CLINT1: variants seen among roughly 807,000 people sequenced by gnomAD.
CLINT1 encodes clathrin interacting protein localized in the trans-Golgi region.
Under a neutral mutation model 70.4 loss-of-function variants are expected in CLINT1, and 15 were observed. The ratio of observed to expected loss-of-function variants is 0.21; its 90% CI spans 0.14 to 0.33. The LOEUF (loss-of-function observed/expected upper bound fraction) is 0.33, where lower values mean the gene tolerates loss of function less well. CLINT1 is among the 10% of genes least tolerant of loss of function. The probability of loss-of-function intolerance (pLI) is 1.00; values close to 1 mark genes in which losing one functional copy is unlikely to be tolerated. For missense variants in CLINT1, 615 were observed against 778.1 expected (o/e 0.79, Z 2.49); for synonymous variants, 227 against 254.7 (o/e 0.89, Z 1.04).
intron 8 of CLINT1, among the ~76,000 whole-genome samples, chr5:157,798,981 T>C (rs1251887377): frequency 1.3e-5 from 2 of 151,886 alleles, no homozygotes; most frequent in African/African-American, 2.4e-5. Flanking sequence ...TCAAAATATA[T>C]AAATAAATGA....
chr5:157,796,095 A>G (rs1353001747), intron 8 of CLINT1: 1 of 152,204 alleles, frequency 6.6e-6, no homozygotes, highest in Non-Finnish European at 1.5e-5. Flanking sequence ...ATATCAATAC[A>G]ATAGTTTTGG....
intron 11 of CLINT1, among the ~76,000 whole-genome samples, chr5:157,788,694 G>A (rs900678608): frequency 1.3e-5 from 2 of 152,038 alleles, no homozygotes; most frequent in Non-Finnish European, 2.9e-5. Flanking sequence ...GTGGCCAGGC[G>A]CGGTGCCCCA....
chr5:157,792,090 AGTCC>A, intron 9 of CLINT1, 95 bp from the exon 10 acceptor site: 1 of 1,041,384 alleles, frequency 9.6e-7, no homozygotes, highest in Non-Finnish European at 1.4e-6. Context: ...AGCTGATCTG[AGTCC>A]CCCAGATTAA....
Position 157,814,053 on chromosome 5 carries a change from G to A in CLINT1, c.352+132C>T, listed in dbSNP as rs981802874. 7 of 647,412 alleles carry A rather than the reference G, an allele frequency of 1.1e-5. No individual in the cohort carries two copies. The African/African-American group carries it at 1.3e-4, about 12-fold the overall frequency. 40.1% of individuals were successfully genotyped at this position (647,412 alleles called of 1,614,324 possible). A position where few individuals can be genotyped will look rare whatever the true frequency, so the allele number is the denominator to read the frequency against. On this transcript the variant is annotated intron_variant, in intron 4 of 11. Coordinates refer to ENST00000411809, the MANE Select transcript of CLINT1 (RefSeq NM_014666.4). ...TTAATACTCTAGGGCCCCACGTCTT[G>A]GATTCTGCACTCGTCACACAACCAG...
In CLINT1 at chr5:157,830,750, CT is replaced by C. The variant is rs1417518911; in HGVS notation, c.42-13204del. Among the ~76,000 whole-genome samples, 99 of 111,236 alleles carry C rather than the reference CT, an allele frequency of 8.9e-4. 1 individual carries two copies. Among genetic ancestry groups the C allele is most frequent in the African/African-American group, 3.3e-3 (89 of 26,876 alleles). The allele number at this position is 111,236 out of a possible 152,430, so 73.0% of individuals were successfully genotyped here. A position where few individuals can be genotyped will look rare whatever the true frequency, so the allele number is the denominator to read the frequency against. On this transcript the variant is annotated intron_variant, in intron 1 of 11. Coordinates refer to ENST00000411809, the MANE Select transcript of CLINT1 (RefSeq NM_014666.4). ...CCTCCCACTCTCCCTGCCCCTCCCTCTCTCTCCCTCTCTCTCTCTCTCTCTC... is the reference window on the plus strand; with the variant it reads ...CCTCCCACTCTCCCTGCCCCTCCCTCCTCTCCCTCTCTCTCTCTCTCTCTC...
intron 1 of CLINT1, among the ~76,000 whole-genome samples, chr5:157,850,612 C>CAAAA (rs67243040): frequency 1.7e-5 from 1 of 60,368 alleles, no homozygotes; most frequent in Non-Finnish European, 2.9e-5. Context: ...GACCCTGTCT[C>CAAAA]AAAAAAAAAA....
chr5:157,791,609 C>A, intron 10 of CLINT1, 94 bp downstream of exon 10: 1 of 1,190,608 alleles, frequency 8.4e-7, no homozygotes, highest in African/African-American at 1.5e-5. Flanking sequence ...AAAGGACTTG[C>A]TTATTTTTCT....
intron 1 of CLINT1, among the ~76,000 whole-genome samples, chr5:157,846,245 T>A (rs557043266): frequency 6.6e-6 from 1 of 152,224 alleles, no homozygotes; most frequent in East Asian, 1.9e-4. Context: ...AAAAGTTAGG[T>A]TGTGAATGCA....
intron 6 of CLINT1, among the ~76,000 whole-genome samples, chr5:157,807,914 C>T (rs888417770): frequency 6.6e-6 from 1 of 150,764 alleles, no homozygotes; most frequent in East Asian, 2.0e-4. Context: ...GTGGATCTGC[C>T]TAAAGTAACA....
At position 157,840,192 on chromosome 5, in the gene CLINT1, C is replaced by CA. The variant is rs57245921; in HGVS notation, c.41+18737dup. 6.9e-3 allele frequency among the ~76,000 whole-genome samples: 379 copies of CA among 55,230 alleles called. 12 individuals carry two copies. The highest frequency in any genetic ancestry group is 7.8e-3 in the South Asian group (10 of 1,288). 36.2% of individuals were successfully genotyped at this position (55,230 alleles called of 152,430 possible). On this transcript the variant is annotated intron_variant, in intron 1 of 11. Coordinates refer to ENST00000411809, the MANE Select transcript of CLINT1 (RefSeq NM_014666.4). Reference sequence around the variant, plus strand: ...CCTGGGCAACAGCGTGAGACTGCCTCAAAAAAAAAAAAAAAAAAAAAGGAA... The same window carrying CA: ...CCTGGGCAACAGCGTGAGACTGCCTCAAAAAAAAAAAAAAAAAAAAAAGGAA...
intron 1 of CLINT1, among the ~76,000 whole-genome samples, chr5:157,820,996 C>A (rs150747703): frequency 2.2e-3 from 337 of 152,228 alleles, no homozygotes; most frequent in African/African-American, 7.9e-3. Context: ...AAGTGACTTA[C>A]GGACTTTCAC....
chr5:157,849,044 C>A (rs560153529), intron 1 of CLINT1, among the ~76,000 whole-genome samples: 1 of 151,942 alleles, frequency 6.6e-6, no homozygotes, highest in Admixed American at 6.5e-5. Context: ...GTGATTTGCC[C>A]ACTTTGGCCT....
At chr5:157,820,119 CAG>C (rs1019810607) in intron 1 of CLINT1, among the ~76,000 whole-genome samples, 1 of 152,004 alleles carries the variant, frequency 6.6e-6, no homozygotes, top group Admixed American at 6.6e-5. Flanking sequence ...AAAAAAATAA[CAG>C]AACGCTTACA....
intron 3 of CLINT1, among the ~76,000 whole-genome samples, chr5:157,815,030 C>CAA (rs572736166): frequency 3.9e-5 from 2 of 51,650 alleles, no homozygotes; most frequent in Admixed American, 2.3e-4. Context: ...AACTCTGTCT[C>CAA]AAAAAAAAAA....
chr5:157,825,711 C>G (rs1348358987), intron 1 of CLINT1, among the ~76,000 whole-genome samples: 1 of 152,072 alleles, frequency 6.6e-6, no homozygotes, highest in African/African-American at 2.4e-5. Flanking sequence ...ACTGGTATAA[C>G]TATTTTTAAA....
intron 1 of CLINT1, among the ~76,000 whole-genome samples, chr5:157,856,155 A>G (rs1166174208): frequency 6.6e-6 from 1 of 152,208 alleles, no homozygotes; most frequent in African/African-American, 2.4e-5. Context: ...ACTTTTTAAG[A>G]AAATTTCCCT....
At chr5:157,809,497 T>TTAA in intron 6 of CLINT1, 131 bp downstream of exon 6, 1 of 500,624 alleles carries the variant, frequency 2.0e-6, no homozygotes, top group Non-Finnish European at 3.2e-6. Context: ...TGAAGTCTAT[T>TTAA]AAAAAAAAAA....
intron 7 of CLINT1, among the ~76,000 whole-genome samples, chr5:157,804,671 T>C (rs1644005770): frequency 6.6e-6 from 1 of 152,082 alleles, no homozygotes; most frequent in Admixed American, 6.5e-5. Flanking sequence ...AAGCCTGTAA[T>C]CCCAACACTT....
intron 6 of CLINT1, among the ~76,000 whole-genome samples, chr5:157,808,355 G>C (rs1364953905): frequency 6.6e-6 from 1 of 151,954 alleles, no homozygotes; most frequent in Admixed American, 6.6e-5. Flanking sequence ...GAACTATTAG[G>C]ATTTTTGGCG....
Sources: gnomAD v4.1 joint callset for allele counts (sites outside exome capture counted in the v4.1 genomes callset) on GRCh38, gnomAD v4.1.1 for gene constraint, MANE v1.5 for transcripts, NCBI Gene and HGNC (gene_info 2026-07-23, HGNC 2026-07-21) for gene names.